The following TTLL11 variants were observed in gnomAD, a reference collection of about 807,000 sequenced individuals.
TTLL11 encodes the protein tubulin polyglutamylase TTLL11.
Under a neutral mutation model 51.7 loss-of-function variants are expected in TTLL11, and 42 were observed. That is an observed-to-expected ratio of 0.81 (90% CI 0.64 to 1.05). The LOEUF (loss-of-function observed/expected upper bound fraction) is 1.05. TTLL11 is among the 50% of genes least tolerant of loss of function. The probability of loss-of-function intolerance (pLI) is 0.00; values close to 1 mark genes in which losing one functional copy is unlikely to be tolerated. For synonymous variants in TTLL11, 381 were observed against 383.5 expected, an observed-to-expected ratio of 0.99 and a Z score of 0.08; for missense variants, 799 against 940.4, an observed-to-expected ratio of 0.85 and a Z score of 1.97.
intron 6 of TTLL11, among the ~76,000 whole-genome samples, chr9:121,882,603 G>C (rs1172329814): frequency 1.3e-5 from 2 of 152,004 alleles, no homozygotes; most frequent in Non-Finnish European, 2.9e-5. Context: ...GGTCCTCTAA[G>C]TCCCTGTCCT....
chr9:121,833,695 C>T (rs1332093340), intron 8 of TTLL11, among the ~76,000 whole-genome samples: 2 of 151,992 alleles, frequency 1.3e-5, no homozygotes, highest in African/African-American at 4.8e-5. Context: ...ACTTTCAAGC[C>T]CACACTCTTT....
chr9:121,876,292 C>T (rs1396266198), intron 6 of TTLL11, among the ~76,000 whole-genome samples: 3 of 152,228 alleles, frequency 2.0e-5, no homozygotes, highest in African/African-American at 4.8e-5. Context: ...GTAGATCTAG[C>T]AAGGTCAAAT....
intron 1 of TTLL11, among the ~76,000 whole-genome samples, chr9:122,053,836 G>A (rs1272443311): frequency 2.6e-5 from 4 of 152,226 alleles, no homozygotes; most frequent in Admixed American, 2.0e-4. Flanking sequence ...CTAGTCGTTT[G>A]GGAATCTGAA....
intron 1 of TTLL11, among the ~76,000 whole-genome samples, chr9:122,047,955 C>T (rs1220090336): frequency 6.6e-6 from 1 of 152,096 alleles, no homozygotes; most frequent in Non-Finnish European, 1.5e-5. Flanking sequence ...GTCACCTTCT[C>T]CCTCCTCAAC....
At chr9:122,039,193 C>A in intron 2 of TTLL11, 79 bp downstream of exon 2, 1 of 1,187,236 alleles carries the variant, frequency 8.4e-7, no homozygotes, top group Admixed American at 1.9e-5. Context: ...TCAAAAATAA[C>A]TGTCATGTTT....
intron 6 of TTLL11, among the ~76,000 whole-genome samples, chr9:121,972,097 T>C (rs1280866036): frequency 1.3e-5 from 2 of 151,548 alleles, no homozygotes; most frequent in Middle Eastern, 3.2e-3. Flanking sequence ...AACCTATATG[T>C]TCTGCACATG....
intron 6 of TTLL11, among the ~76,000 whole-genome samples, chr9:121,952,710 C>T (rs1841889835): frequency 6.6e-6 from 1 of 152,062 alleles, no homozygotes; most frequent in Non-Finnish European, 1.5e-5. Context: ...GTGCTCAGCC[C>T]CTTCCTCTCC....
intron 6 of TTLL11, among the ~76,000 whole-genome samples, chr9:121,884,264 A>G (rs1838913765): frequency 6.6e-6 from 1 of 152,146 alleles, no homozygotes; most frequent in Non-Finnish European, 1.5e-5. Context: ...ACCCATTCAA[A>G]TCAATTATTA....
Position 122,077,209 on chromosome 9 carries a change from A to G in TTLL11, c.462+15478T>C, listed in dbSNP as rs150246336. Among the ~76,000 whole-genome samples the G allele has an allele frequency of 1.6e-4, 25 of 152,338 alleles. 1 individual carries two copies. In the East Asian group the frequency reaches 4.6e-3, roughly 28 times the overall value. On this transcript the variant is annotated intron_variant, in intron 1 of 8. Transcript: ENST00000321582. ...TGAGTTGTAAAATAGAATAGCAAAC[A>G]AAGAAAATGGCAAATGTGGGTAACT... is the stretch of plus-strand genomic sequence containing the variant.
intron 1 of TTLL11, among the ~76,000 whole-genome samples, chr9:122,070,888 A>C (rs1049774928): frequency 3.9e-5 from 6 of 152,140 alleles, no homozygotes; most frequent in African/African-American, 1.4e-4. Context: ...CACGAAAAGC[A>C]ATCACTGCTT....
At chr9:122,090,895 T>C (rs759586820) in intron 1 of TTLL11, among the ~76,000 whole-genome samples, 1 of 152,140 alleles carries the variant, frequency 6.6e-6, no homozygotes, top group Non-Finnish European at 1.5e-5. Context: ...TGCAAATAAA[T>C]GAAAAGGGAG....
At chr9:121,897,396 T>A (rs2131464317) in intron 6 of TTLL11, among the ~76,000 whole-genome samples, 1 of 152,258 alleles carries the variant, frequency 6.6e-6, no homozygotes, top group East Asian at 1.9e-4. Flanking sequence ...TTCTGGGGGC[T>A]GCGGTCATTC....
chr9:121,984,851 C>T (rs779481009), intron 4 of TTLL11, among the ~76,000 whole-genome samples: 5 of 151,950 alleles, frequency 3.3e-5, no homozygotes, highest in Non-Finnish European at 5.9e-5. Context: ...TTATTTCTGC[C>T]ATATGATTCA....
chr9:121,907,261 C>T (rs1839979019), intron 6 of TTLL11, among the ~76,000 whole-genome samples: 1 of 151,878 alleles, frequency 6.6e-6, no homozygotes, highest in African/African-American at 2.4e-5. Flanking sequence ...ACCAGCCTGA[C>T]CAACATGGTG....
At chr9:121,826,205 TATATATATATATGCAC>T (rs1479712411) in intron 8 of TTLL11, among the ~76,000 whole-genome samples, 1 of 113,542 alleles carries the variant, frequency 8.8e-6, no homozygotes, top group Non-Finnish European at 1.7e-5. Context: ...TATATATATA[TATATATATATATGCAC>T]ACATATATAT....
intron 1 of TTLL11, among the ~76,000 whole-genome samples, chr9:122,057,516 G>A (rs189286193): frequency 8.3e-4 from 125 of 149,874 alleles, no homozygotes; most frequent in African/African-American, 2.7e-3. Context: ...TGGTAGAGAC[G>A]GGGTTTCGCC....
intron 1 of TTLL11, among the ~76,000 whole-genome samples, chr9:122,058,628 T>C (rs1329274836): frequency 6.6e-6 from 1 of 152,202 alleles, no homozygotes; most frequent in Non-Finnish European, 1.5e-5. Flanking sequence ...GAGAGGGGAC[T>C]AGCGCGTATG....
intron 6 of TTLL11, among the ~76,000 whole-genome samples, chr9:121,874,243 C>T (rs976394420): frequency 1.2e-4 from 18 of 152,174 alleles, no homozygotes; most frequent in African/African-American, 4.3e-4. Context: ...GATCCTCCTG[C>T]CTTGGCCAGC....
chr9:121,903,074 G>A (rs1048087017), intron 6 of TTLL11, among the ~76,000 whole-genome samples: 9 of 152,056 alleles, frequency 5.9e-5, no homozygotes, highest in Admixed American at 4.6e-4. Flanking sequence ...TGATGGCCTC[G>A]GTCCAAAGGT....
Sources: gnomAD v4.1 joint callset for allele counts (sites outside exome capture counted in the v4.1 genomes callset) on GRCh38, gnomAD v4.1.1 for gene constraint, MANE v1.5 for transcripts, NCBI Gene and HGNC (gene_info 2026-07-23, HGNC 2026-07-21) for gene names.